ZNF469: variants seen among roughly 807,000 people sequenced by gnomAD.
The protein encoded by ZNF469 is zinc finger protein 469.
In ZNF469, 1 loss-of-function variant was observed where a neutral mutation model predicts 1.0. That is an observed-to-expected ratio of 1.00 (90% confidence interval 0.35 to 4.73). The LOEUF is 4.73. Among genes scored for constraint, ZNF469 ranks in the 30% most tolerant of loss-of-function variants. ZNF469 has a pLI of 0.16. For synonymous variants in ZNF469, 2,703 were observed against 2,363.4 expected, an observed-to-expected ratio of 1.14 and a Z score of -4.17; for missense variants, 6,100 against 5,356.3, an observed-to-expected ratio of 1.14 and a Z score of -4.33.
rs1567512146 is a variant in ZNF469, at chr16:88,431,429, C to T, written c.3959C>T (p.Pro1320Leu). The T allele has an allele frequency of 3.2e-6, 5 of 1,550,382 alleles. No homozygotes were observed. The highest frequency in any genetic ancestry group is 3.5e-6 in the Non-Finnish European group (4 of 1,146,996). The change falls in exon 3 of 3, where the codon CCT (proline) becomes CTT (leucine). Residue 1320 changes from proline to leucine, a missense_variant. Transcript: ENST00000565624. ...APVSHNSKDP[P>L]ARQPGEFLAP... ...GTCTCCCACAACAGCAAGGACCCCC[C>T]TGCCCGCCAGCCTGGAGAATTTCTG... is the stretch of plus-strand genomic sequence containing the variant.
chr16:88,188,575 G>A, the ZNF469 span, among the ~76,000 whole-genome samples: 1 of 152,194 alleles, frequency 6.6e-6, no homozygotes, highest in African/African-American at 2.4e-5. Context: ...TGGGAGTCCT[G>A]TTCAACCTGG....
the ZNF469 span, among the ~76,000 whole-genome samples, chr16:88,237,832 G>C: frequency 2.6e-5 from 4 of 151,410 alleles, no homozygotes; most frequent in South Asian, 4.2e-4. Flanking sequence ...GCTCCTGCCA[G>C]TCACCCTCTG....
the ZNF469 span, among the ~76,000 whole-genome samples, chr16:88,330,092 G>A: frequency 6.6e-6 from 1 of 152,248 alleles, no homozygotes; most frequent in Non-Finnish European, 1.5e-5. Context: ...GGAGGTCAGC[G>A]TTGGACTTGG....
chr16:88,426,820 G>A (rs1040953741), intron 2 of ZNF469, among the ~76,000 whole-genome samples: 35 of 152,244 alleles, frequency 2.3e-4, no homozygotes, highest in African/African-American at 7.2e-4. Flanking sequence ...GCCCTGAGAG[G>A]TTCAGGTTGA....
At chr16:88,285,983 G>A in the ZNF469 span, among the ~76,000 whole-genome samples, 3 of 152,188 alleles carry the variant, frequency 2.0e-5, no homozygotes, top group Non-Finnish European at 4.4e-5. Context: ...GCCCCCATCG[G>A]ACCCACAGCC....
At chr16:88,151,334 G>A in the ZNF469 span, among the ~76,000 whole-genome samples, 33 of 152,380 alleles carry the variant, frequency 2.2e-4, no homozygotes, top group African/African-American at 7.2e-4. This position sits in a 1 kb window ranked among gnomAD's most constrained non-coding sequence, Gnocchi z 5.4. Flanking sequence ...CCAGCCTGAT[G>A]TGTTCGGTGA....
chr16:88,167,155 G>T, the ZNF469 span, among the ~76,000 whole-genome samples: 1 of 145,598 alleles, frequency 6.9e-6, no homozygotes, highest in Non-Finnish European at 1.5e-5. Context: ...TCCGCCTCCC[G>T]GGTTCAAGCG....
the ZNF469 span, among the ~76,000 whole-genome samples, chr16:88,312,925 T>C: frequency 6.6e-6 from 1 of 152,348 alleles, no homozygotes; most frequent in East Asian, 1.9e-4. Context: ...CCTGGATGTT[T>C]ATTTTTCCAT....
At chr16:88,390,935 C>A (rs922195589) in intron 1 of ZNF469, among the ~76,000 whole-genome samples, 2 of 152,242 alleles carry the variant, frequency 1.3e-5, no homozygotes, top group African/African-American at 4.8e-5. Flanking sequence ...TCTGGCAGCT[C>A]ATGGTCAGCA....
chr16:88,204,789 G>A, the ZNF469 span, among the ~76,000 whole-genome samples: 34 of 152,276 alleles, frequency 2.2e-4, no homozygotes, highest in African/African-American at 7.9e-4. Context: ...GCGTTCACTG[G>A]ATTTGCTGCC....
chr16:88,316,338 C>T, the ZNF469 span, among the ~76,000 whole-genome samples: 2 of 152,162 alleles, frequency 1.3e-5, no homozygotes, highest in Non-Finnish European at 2.9e-5. Context: ...TGGTGCACCA[C>T]GCTCGTGGGG....
the ZNF469 span, among the ~76,000 whole-genome samples, chr16:88,315,144 C>T: frequency 3.3e-5 from 5 of 152,204 alleles, no homozygotes; most frequent in Non-Finnish European, 5.9e-5. Context: ...TTGGTGAGAG[C>T]CAGGGGCAGG....
the ZNF469 span, among the ~76,000 whole-genome samples, chr16:88,296,331 G>A: frequency 6.6e-6 from 1 of 152,140 alleles, no homozygotes; most frequent in Non-Finnish European, 1.5e-5. Context: ...CTGCGTGGGG[G>A]TGGGGGAATG....
At chr16:88,227,131 G>A in the ZNF469 span, among the ~76,000 whole-genome samples, 48,996 of 77,546 alleles carry the variant, frequency 0.63, 19,524 homozygotes, top group Non-Finnish European at 0.82. Flanking sequence ...CCACGCCGGG[G>A]CCTCCACACT....
the ZNF469 span, among the ~76,000 whole-genome samples, chr16:88,112,060 T>G: frequency 6.6e-6 from 1 of 152,316 alleles, no homozygotes; most frequent in African/African-American, 2.4e-5. Context: ...GTTGTGTACG[T>G]GTCACATTTT....
chr16:88,437,018 A>G lies in ZNF469; in HGVS notation c.9548A>G (p.Glu3183Gly), dbSNP rs1432210744. 6.5e-7 allele frequency: 1 copy of G among 1,527,376 alleles called. No individual in the cohort carries two copies. Among genetic ancestry groups the G allele is most frequent in the South Asian group, 1.2e-5 (1 of 83,076 alleles). The allele number at this position is 1,527,376 out of a possible 1,614,324, so 94.6% of individuals were successfully genotyped here. A position where few individuals can be genotyped will look rare whatever the true frequency, so the allele number is the denominator to read the frequency against. The change falls in exon 3 of 3, where the codon GAG (glutamate) becomes GGG (glycine). Residue 3183 changes from glutamate (E) to glycine (G), a missense_variant. Glu to Gly is a moderately conservative substitution (Grantham distance 98). Transcript: ENST00000565624. ...GPWACGMCLKEVADVWMYNEH... is the reference protein window; with the variant it reads ...GPWACGMCLKGVADVWMYNEH... ...TGGGCGTGCGGCATGTGCCTGAAGG[A>G]GGTGGCCGACGTCTGGATGTACAAC...
At chr16:88,163,652 GGA>G in the ZNF469 span, among the ~76,000 whole-genome samples, 205 of 139,958 alleles carry the variant, frequency 1.5e-3, 3 homozygotes, top group African/African-American at 4.3e-3. Flanking sequence ...ATGGATGGAT[GGA>G]TAGTTGGGTA....
At chr16:88,382,252 C>T (rs1317367858), upstream of ZNF469, among the ~76,000 whole-genome samples, 4 of 151,662 alleles carry the variant, frequency 2.6e-5, no homozygotes, top group Non-Finnish European at 4.4e-5. Flanking sequence ...GAGCCATCTC[C>T]GCCGTGTGGC....
chr16:88,199,041 G>A, the ZNF469 span, among the ~76,000 whole-genome samples: 1 of 152,184 alleles, frequency 6.6e-6, no homozygotes, highest in African/African-American at 2.4e-5. Flanking sequence ...GTGACCCAGT[G>A]CTCCAGTCTG....
Sources: gnomAD v4.1 joint callset for allele counts (sites outside exome capture counted in the v4.1 genomes callset) on GRCh38, gnomAD v4.1.1 for gene constraint, Gnocchi (gnomAD v3.1) non-coding constraint, MANE v1.5 for transcripts, NCBI Gene and HGNC (gene_info 2026-07-23, HGNC 2026-07-21) for gene names.